Variants in NXPH1 observed in about 807,000 individuals in gnomAD.
NXPH1 encodes the protein neurexophilin-1.
A neutral mutation model predicts 23.7 loss-of-function variants in NXPH1; 5 were observed. That is an observed-to-expected ratio of 0.21 (90% confidence interval 0.11 to 0.44). The LOEUF (loss-of-function observed/expected upper bound fraction) is 0.44, where lower values mean the gene tolerates loss of function less well. NXPH1 is among the 20% of genes least tolerant of loss of function. The pLI, the probability that NXPH1 is intolerant of heterozygous loss-of-function variation, is 0.99. For synonymous variants in NXPH1, 144 were observed against 122.2 expected, an observed-to-expected ratio of 1.18 and a Z score of -1.18; for missense variants, 324 against 321.6, an observed-to-expected ratio of 1.01 and a Z score of -0.06.
rs149380484 is a variant in NXPH1, at chr7:8,555,591, A to G, written c.54+119824A>G. On this transcript the variant is annotated intron_variant, in intron 2 of 2. Coordinates refer to ENST00000405863, the MANE Select transcript of NXPH1 (RefSeq NM_152745.3). ...GAAAAGAAAAACTTTCCCAAGGCCAAAGCACACCAGGTTGTAAAAGCTTGG... is the reference window on the plus strand; with the variant it reads ...GAAAAGAAAAACTTTCCCAAGGCCAGAGCACACCAGGTTGTAAAAGCTTGG... Among the ~76,000 whole-genome samples, 674 of 151,734 alleles carry G rather than the reference A, an allele frequency of 4.4e-3. 7 individuals carry two copies. The highest frequency in any genetic ancestry group is 0.016 in the African/African-American group (645 of 41,474).
chr7:8,599,650 A>G (rs888446645), intron 2 of NXPH1, among the ~76,000 whole-genome samples: 2 of 152,056 alleles, frequency 1.3e-5, no homozygotes, highest in Admixed American at 6.6e-5. Context: ...ACTAAGTTCA[A>G]TCACTTCAAT....
At chr7:8,653,829 G>T (rs2107468) in intron 2 of NXPH1, among the ~76,000 whole-genome samples, 109,281 of 152,044 alleles carry the variant, frequency 0.72, 39,844 homozygotes, top group East Asian at 1. Context: ...TGGACTTCAT[G>T]CATTTTCTTG....
chr7:8,579,362 TG>T (rs1818820401), intron 2 of NXPH1, among the ~76,000 whole-genome samples: 7 of 124,734 alleles, frequency 5.6e-5, no homozygotes, highest in South Asian at 2.3e-4. Flanking sequence ...AAGTTTTTTT[TG>T]TTTTTTTTTT....
chr7:8,622,264 C>T (rs568156456), intron 2 of NXPH1, among the ~76,000 whole-genome samples: 2 of 152,182 alleles, frequency 1.3e-5, no homozygotes, highest in East Asian at 1.9e-4. Flanking sequence ...TCATTTTTCC[C>T]CAACAGATTG....
At chr7:8,497,931 C>A (rs553036861) in intron 2 of NXPH1, among the ~76,000 whole-genome samples, 1 of 152,104 alleles carries the variant, frequency 6.6e-6, no homozygotes, top group South Asian at 2.1e-4. Flanking sequence ...TCATGAAGTC[C>A]TTGCCCATAC....
intron 2 of NXPH1, among the ~76,000 whole-genome samples, chr7:8,598,727 G>T (rs1472314243): frequency 6.6e-6 from 1 of 152,164 alleles, no homozygotes; most frequent in African/African-American, 2.4e-5. Context: ...GTCATGATCT[G>T]CAGGGGGATG....
intron 2 of NXPH1, among the ~76,000 whole-genome samples, chr7:8,592,177 G>C (rs1819112184): frequency 6.6e-6 from 1 of 151,988 alleles, no homozygotes; most frequent in Non-Finnish European, 1.5e-5. Context: ...AGACCTGACA[G>C]GTGGAAAGGA....
intron 2 of NXPH1, among the ~76,000 whole-genome samples, chr7:8,578,467 C>G (rs1818796105): frequency 6.6e-6 from 1 of 152,198 alleles, no homozygotes; most frequent in South Asian, 2.1e-4. Context: ...TTTCAGAATT[C>G]ATGCCATAGA....
At position 8,617,187 on chromosome 7, in the gene NXPH1, A is replaced by G. The variant is rs13223927; in HGVS notation, c.55-133821A>G. 2.2e-3 allele frequency among the ~76,000 whole-genome samples: 329 copies of G among 152,248 alleles called. 1 individual carries two copies. The highest frequency in any genetic ancestry group is 3.7e-3 in the Non-Finnish European group (252 of 67,998). On this transcript the variant is annotated intron_variant, in intron 2 of 2. Coordinates refer to ENST00000405863, the MANE Select transcript of NXPH1 (RefSeq NM_152745.3). ...AACACTCTCCAATTATCCAGTCCCA[A>G]TGTCAATGGTGTTGAGATTGAGAAA...
intron 2 of NXPH1, among the ~76,000 whole-genome samples, chr7:8,675,070 T>C (rs936498699): frequency 4.6e-5 from 7 of 152,108 alleles, no homozygotes; most frequent in Non-Finnish European, 4.4e-5. Flanking sequence ...GAACAAGGGG[T>C]AGGCTAAATC....
rs571730568 is a variant in NXPH1 at position 8,522,580 on chromosome 7, C to G, written c.54+86813C>G. Among the ~76,000 whole-genome samples the G allele has an allele frequency of 3.9e-5, 6 of 152,016 alleles. No individual in the cohort carries two copies. In the South Asian group the frequency reaches 1.2e-3, roughly 32 times the overall value. On this transcript the variant is annotated intron_variant, in intron 2 of 2. Coordinates refer to ENST00000405863, the MANE Select transcript of NXPH1 (RefSeq NM_152745.3). ...CCGTTTTTTTAAAGCACAGGAGATG[C>G]CAGTGAGGGACTTAAAATTCAAGTC...
intron 2 of NXPH1, among the ~76,000 whole-genome samples, chr7:8,644,932 C>T (rs909047364): frequency 2.6e-5 from 4 of 152,134 alleles, no homozygotes; most frequent in Admixed American, 2.6e-4. Context: ...TTTATATAAA[C>T]AGAATGTCTT....
intron 2 of NXPH1, among the ~76,000 whole-genome samples, chr7:8,624,257 A>T (rs1445161991): frequency 6.6e-6 from 1 of 152,114 alleles, no homozygotes; most frequent in Admixed American, 6.6e-5. Flanking sequence ...ATGTCTTTAG[A>T]GAAAGTAAGT....
intron 2 of NXPH1, among the ~76,000 whole-genome samples, chr7:8,569,243 A>C (rs1160264929): frequency 6.6e-6 from 1 of 151,874 alleles, no homozygotes; most frequent in African/African-American, 2.4e-5. Context: ...CCAGTTCTAC[A>C]TAAATGTCAT....
intron 2 of NXPH1, among the ~76,000 whole-genome samples, chr7:8,455,291 TG>T (rs1816576049): frequency 6.6e-6 from 1 of 152,142 alleles, no homozygotes; most frequent in South Asian, 2.1e-4. Flanking sequence ...AAGAGCAACT[TG>T]TGGCCACTTT....
intron 2 of NXPH1, among the ~76,000 whole-genome samples, chr7:8,477,945 T>G (rs1157604): frequency 6.6e-6 from 1 of 152,060 alleles, no homozygotes; most frequent in Middle Eastern, 3.4e-3. Flanking sequence ...AAGGCCTGAA[T>G]CATGTCTGCC....
At chr7:8,670,316 T>A (rs1293544610) in intron 2 of NXPH1, among the ~76,000 whole-genome samples, 1 of 152,276 alleles carries the variant, frequency 6.6e-6, no homozygotes, top group African/African-American at 2.4e-5. Context: ...ATTTTTAGTG[T>A]TGAAATCTCT....
chr7:8,718,571 G>C (rs958431211), intron 2 of NXPH1, among the ~76,000 whole-genome samples: 10 of 152,184 alleles, frequency 6.6e-5, no homozygotes, highest in African/African-American at 2.4e-4. Flanking sequence ...ATGACATCAA[G>C]AGTTTAGTTA....
At chr7:8,474,674 C>T (rs994146427) in intron 2 of NXPH1, among the ~76,000 whole-genome samples, 10 of 152,088 alleles carry the variant, frequency 6.6e-5, no homozygotes, top group African/African-American at 1.9e-4. Context: ...CTTTAATAGT[C>T]GCATACTAAC....
Sources: gnomAD v4.1 joint callset for allele counts (sites outside exome capture counted in the v4.1 genomes callset) on GRCh38, gnomAD v4.1.1 for gene constraint, MANE v1.5 for transcripts, NCBI Gene and HGNC (gene_info 2026-07-23, HGNC 2026-07-21) for gene names.